The following HS3ST4 variants were observed in gnomAD, a reference collection of about 807,000 sequenced individuals.
HS3ST4 encodes heparan sulfate glucosamine 3-O-sulfotransferase 4.
HS3ST4 carries 17 observed loss-of-function variants against 29.2 expected under a neutral mutation model. The ratio of observed to expected loss-of-function variants is 0.58; its 90% CI spans 0.40 to 0.87. The LOEUF is 0.87. Among genes scored for constraint, HS3ST4 ranks in the 40% least tolerant of loss-of-function variants. The probability of loss-of-function intolerance (pLI) is 0.00; values close to 1 mark genes in which losing one functional copy is unlikely to be tolerated. For synonymous variants in HS3ST4, 314 were observed against 285.7 expected, an observed-to-expected ratio of 1.10 and a Z score of -1.00; for missense variants, 627 against 634.5, an observed-to-expected ratio of 0.99 and a Z score of 0.13.
chr16:25,777,746 C>T (rs149779527), intron 1 of HS3ST4, among the ~76,000 whole-genome samples: 3 of 151,970 alleles, frequency 2.0e-5, no homozygotes, highest in South Asian at 2.1e-4. Context: ...CCAGCCTGGG[C>T]GACAGAGTGA....
At chr16:25,800,084 T>TCCTG (rs1966918240) in intron 1 of HS3ST4, among the ~76,000 whole-genome samples, 1 of 147,766 alleles carries the variant, frequency 6.8e-6, no homozygotes, top group African/African-American at 2.5e-5. Context: ...CTTCCTTCCT[T>TCCTG]CCTTCCTGCC....
intron 1 of HS3ST4, among the ~76,000 whole-genome samples, chr16:26,047,255 T>C (rs893949241): frequency 2.6e-5 from 4 of 152,244 alleles, no homozygotes; most frequent in Non-Finnish European, 4.4e-5. Context: ...TCTAAGCCCC[T>C]GTAGGTCAGA....
chr16:26,055,452 G>T (rs1314889433), intron 1 of HS3ST4, among the ~76,000 whole-genome samples: 1 of 152,122 alleles, frequency 6.6e-6, no homozygotes, highest in African/African-American at 2.4e-5. Context: ...GGTCATGGTG[G>T]CTGGGAACTG....
intron 1 of HS3ST4, among the ~76,000 whole-genome samples, chr16:25,999,142 G>A (rs2141732460): frequency 6.6e-6 from 1 of 152,058 alleles, no homozygotes; most frequent in South Asian, 2.1e-4. Context: ...ACATAAAATT[G>A]AGCAGTATTC....
chr16:25,928,742 T>C (rs559050367), intron 1 of HS3ST4, among the ~76,000 whole-genome samples: 1 of 152,272 alleles, frequency 6.6e-6, no homozygotes, highest in African/African-American at 2.4e-5. Flanking sequence ...CTCCATGGGC[T>C]TTTCCACAGG....
intron 1 of HS3ST4, 81 bp from the exon 2 acceptor site, chr16:26,135,531 A>G: frequency 2.2e-6 from 3 of 1,368,354 alleles, no homozygotes; most frequent in Non-Finnish European, 2.9e-6. Flanking sequence ...TAGGTTGTTT[A>G]TATCACACAT....
intron 1 of HS3ST4, among the ~76,000 whole-genome samples, chr16:26,035,731 C>T (rs1037624132): frequency 1.2e-4 from 19 of 152,168 alleles, no homozygotes; most frequent in African/African-American, 4.3e-4. Context: ...TGCAATCTCT[C>T]CCTCACTGCA....
At chr16:26,128,641 A>C (rs1899377561) in intron 1 of HS3ST4, among the ~76,000 whole-genome samples, 1 of 152,100 alleles carries the variant, frequency 6.6e-6, no homozygotes, top group African/African-American at 2.4e-5. Flanking sequence ...AACACAATGA[A>C]CTTTCCAGCA....
At chr16:26,035,638 T>C (rs149459171) in intron 1 of HS3ST4, among the ~76,000 whole-genome samples, 1 of 152,228 alleles carries the variant, frequency 6.6e-6, no homozygotes. Context: ...TCTACTTCTC[T>C]TCTATCTCCT....
chr16:26,024,976 G>C (rs897543951), intron 1 of HS3ST4, among the ~76,000 whole-genome samples: 1 of 152,092 alleles, frequency 6.6e-6, no homozygotes, highest in Non-Finnish European at 1.5e-5. Context: ...TTATTCTGTG[G>C]ACCTCCCCTC....
At chr16:25,886,445 G>A (rs1023924146) in intron 1 of HS3ST4, among the ~76,000 whole-genome samples, 7 of 152,094 alleles carry the variant, frequency 4.6e-5, no homozygotes, top group Non-Finnish European at 8.8e-5. Flanking sequence ...GAACCACTTC[G>A]TTATCCAAAT....
chr16:25,693,171 G>C lies in HS3ST4; in HGVS notation c.734+20G>C. On this transcript the variant is annotated intron_variant, in intron 1 of 1. Coordinates refer to ENST00000331351, the MANE Select transcript of HS3ST4 (RefSeq NM_006040.3). ...GTACAGGTAGGACCCTGGGCTCCGC[G>C]GGCTGGTGGAGACGCGTGGGGGAGA... 6.5e-7 allele frequency: 1 copy of C among 1,544,652 alleles called. No homozygotes were observed. The highest frequency in any genetic ancestry group is 8.7e-7 in the Non-Finnish European group (1 of 1,147,400).
At chr16:25,785,727 G>T (rs1966856791) in intron 1 of HS3ST4, among the ~76,000 whole-genome samples, 1 of 152,282 alleles carries the variant, frequency 6.6e-6, no homozygotes, top group South Asian at 2.1e-4. Context: ...ATGAACCAAA[G>T]CTGTGATTAG....
At chr16:25,893,224 T>C (rs60143357) in intron 1 of HS3ST4, among the ~76,000 whole-genome samples, 151 of 152,278 alleles carry the variant, frequency 9.9e-4, no homozygotes, top group African/African-American at 3.3e-3. Flanking sequence ...AGAAAAGTCA[T>C]GTGAGAACTG....
chr16:25,976,557 G>T (rs1228163030), intron 1 of HS3ST4, among the ~76,000 whole-genome samples: 1 of 152,174 alleles, frequency 6.6e-6, no homozygotes, highest in Non-Finnish European at 1.5e-5. Flanking sequence ...GGCGTGGTTG[G>T]TGTATGGCGG....
intron 1 of HS3ST4, among the ~76,000 whole-genome samples, chr16:26,080,405 A>G (rs1898711640): frequency 6.6e-6 from 1 of 152,172 alleles, no homozygotes; most frequent in African/African-American, 2.4e-5. Context: ...CAGATAGCTA[A>G]AAGTTTTAGG....
intron 1 of HS3ST4, among the ~76,000 whole-genome samples, chr16:26,102,885 A>G (rs140052161): frequency 7.0e-4 from 106 of 152,348 alleles, no homozygotes; most frequent in African/African-American, 2.4e-3. Flanking sequence ...CCTTACAGTG[A>G]TTCAAGAGCC....
chr16:25,786,643 T>G (rs1966858074), intron 1 of HS3ST4, among the ~76,000 whole-genome samples: 1 of 152,188 alleles, frequency 6.6e-6, no homozygotes, highest in Non-Finnish European at 1.5e-5. Context: ...TTGTTCTCTG[T>G]AGAGAACATT....
intron 1 of HS3ST4, among the ~76,000 whole-genome samples, chr16:25,980,760 T>C (rs1837930223): frequency 1.3e-5 from 2 of 152,140 alleles, no homozygotes; most frequent in Admixed American, 1.3e-4. Flanking sequence ...AGGCAGATGC[T>C]TACACTCACA....
Sources: allele counts gnomAD v4.1 joint callset (sites outside exome capture counted in the v4.1 genomes callset), GRCh38; gene constraint gnomAD v4.1.1; transcripts MANE v1.5; gene names NCBI Gene and HGNC (gene_info 2026-07-23, HGNC 2026-07-21).